The following ATP6V0E2 variants were observed in gnomAD, a reference collection of about 807,000 sequenced individuals.
The protein encoded by ATP6V0E2 is ATPase H+ transporting V0 subunit e2, also known as V-type proton ATPase subunit e 2.
In ATP6V0E2, 4 loss-of-function variants were observed where a neutral mutation model predicts 11.5. That is an observed-to-expected ratio of 0.35 (90% CI 0.17 to 0.80). The LOEUF (loss-of-function observed/expected upper bound fraction) is 0.80. Among genes scored for constraint, ATP6V0E2 ranks in the 30% least tolerant of loss-of-function variants. The probability of loss-of-function intolerance (pLI) is 0.53; values close to 1 mark genes in which losing one functional copy is unlikely to be tolerated. For missense variants in ATP6V0E2, 93 were observed against 113.5 expected, an observed-to-expected ratio of 0.82 and a Z score of 0.82; for synonymous variants, 52 against 51.0, an observed-to-expected ratio of 1.02 and a Z score of -0.09.
At chr7:149,876,159 C>G in intron 2 of ATP6V0E2, 1 of 452,228 alleles carries the variant, frequency 2.2e-6, no homozygotes, top group Non-Finnish European at 4.4e-6. Context: ...GGGTGGATCA[C>G]GAGGTCAGGA....
rs1164011703 is a variant in ATP6V0E2 at position 149,879,337 on chromosome 7, G to T, written c.*22G>T. The T allele has an allele frequency of 6.5e-7, 1 of 1,532,524 alleles. No individual in the cohort carries two copies. 94.9% of individuals were successfully genotyped at this position (1,532,524 alleles called of 1,614,324 possible). On this transcript the variant is annotated splice_region_variant and 3_prime_UTR_variant, in exon 4 of 4. Transcript: ENST00000425642. ...CTTCCATGTGATGTGCTTTTCAGGTGCCCAGCTCTCGGAATGACTGTGGCT... is the reference window on the plus strand; with the variant it reads ...CTTCCATGTGATGTGCTTTTCAGGTTCCCAGCTCTCGGAATGACTGTGGCT...
Position 149,874,133 on chromosome 7 carries a change from C to T in ATP6V0E2, c.68C>T (p.Ala23Val), listed in dbSNP as rs1187114579. 1.7e-5 allele frequency: 27 copies of T among 1,549,774 alleles called. No individual in the cohort carries two copies. The highest frequency in any genetic ancestry group is 2.4e-5 in the Non-Finnish European group (27 of 1,146,584). Reference protein sequence around the residue: ...FTTFWGLVGIAGPWFVPKGPN... With the variant: ...FTTFWGLVGIVGPWFVPKGPN... ...ACGTTCTGGGGCCTCGTCGGCATCG[C>T]CGGGCCCTGGTTCGTGCCGAAGGGA... The change falls in exon 1 of 4, where the codon GCC becomes GTC. Residue 23 changes from alanine (A) to valine (V), a missense_variant. Physicochemically the swap from Ala to Val is moderately conservative, Grantham distance 64. Transcript: ENST00000425642.
At position 149,879,810 on chromosome 7, in the gene ATP6V0E2, G is replaced by A. The variant is rs1215161072; in HGVS notation, c.*495G>A. On this transcript the variant is annotated 3_prime_UTR_variant, in exon 4 of 4. Transcript: ENST00000425642. ...GGGTTATAGGCAAGGCCTTTTCTCT[G>A]GCATGGAATTGTTAATTTTCTGACA... The A allele has an allele frequency of 1.8e-6, 1 of 569,500 alleles. No individual in the cohort carries two copies. Among genetic ancestry groups the A allele is most frequent in the African/African-American group, 1.9e-5 (1 of 51,558 alleles). The allele number at this position is 569,500 out of a possible 1,614,324, so 35.3% of individuals were successfully genotyped here.
At chr7:149,876,966 G>T (rs1427580467) in intron 2 of ATP6V0E2, among the ~76,000 whole-genome samples, 2 of 152,182 alleles carry the variant, frequency 1.3e-5, no homozygotes, top group African/African-American at 4.8e-5. Flanking sequence ...ATTGATTTAA[G>T]ATTTGATGTT....
chr7:149,874,017 G>A lies in ATP6V0E2; in HGVS notation c.-49G>A. On this transcript the variant is annotated 5_prime_UTR_variant, in exon 1 of 4. Coordinates refer to ENST00000425642, the MANE Select transcript of ATP6V0E2 (RefSeq NM_145230.4). ...CCGGCTGGGGACCCGCGCACCTGCAGCGCCCGCTGCTCGGCCCTGCATCCT... is the reference window on the plus strand; with the variant it reads ...CCGGCTGGGGACCCGCGCACCTGCAACGCCCGCTGCTCGGCCCTGCATCCT... 1 of 1,547,540 alleles carries A rather than the reference G, an allele frequency of 6.5e-7. No homozygotes were observed. Among genetic ancestry groups the A allele is most frequent in the Non-Finnish European group, 8.7e-7 (1 of 1,145,990 alleles).
In ATP6V0E2 at chr7:149,879,798, G is replaced by C. The variant is rs1020098786; in HGVS notation, c.*483G>C. The C allele has an allele frequency of 7.7e-6, 5 of 650,956 alleles. No individual in the cohort carries two copies. In the African/African-American group the frequency reaches 9.5e-5, roughly 12 times the overall value. The allele number at this position is 650,956 out of a possible 1,614,324, so 40.3% of individuals were successfully genotyped here. ...GGGGCCTCTATTGGGTTATAGGCAAGGCCTTTTCTCTGGCATGGAATTGTT... is the reference window on the plus strand; with the variant it reads ...GGGGCCTCTATTGGGTTATAGGCAACGCCTTTTCTCTGGCATGGAATTGTT... On this transcript the variant is annotated 3_prime_UTR_variant, in exon 4 of 4. Coordinates refer to ENST00000425642, the MANE Select transcript of ATP6V0E2 (RefSeq NM_145230.4).
At chr7:149,873,941 G>C (rs770907259), upstream of ATP6V0E2, 2 of 1,540,620 alleles carry the variant, frequency 1.3e-6, no homozygotes, top group African/African-American at 2.7e-5. Flanking sequence ...GGCCCGGCCC[G>C]GCTGATCGCT....
In ATP6V0E2 at chr7:149,874,011, C is replaced by T. The variant is rs1462981843; in HGVS notation, c.-55C>T. ...CGCTGCCCGGCTGGGGACCCGCGCA[C>T]CTGCAGCGCCCGCTGCTCGGCCCTG... On this transcript the variant is annotated 5_prime_UTR_variant, in exon 1 of 4. Coordinates refer to ENST00000425642, the MANE Select transcript of ATP6V0E2 (RefSeq NM_145230.4). The T allele has an allele frequency of 1.3e-6, 2 of 1,546,956 alleles. No individual in the cohort carries two copies. Among genetic ancestry groups the T allele is most frequent in the Non-Finnish European group, 1.7e-6 (2 of 1,145,944 alleles).
At chr7:149,873,362 TC>T (rs1802933140), upstream of ATP6V0E2, 1 of 152,304 alleles carries the variant, frequency 6.6e-6, no homozygotes, top group African/African-American at 2.4e-5. Flanking sequence ...CCAACCTCAT[TC>T]CGCTTCCCGC....
intron 3 of ATP6V0E2, 92 bp from the exon 4 acceptor site, chr7:149,879,243 T>G: frequency 7.1e-7 from 1 of 1,406,126 alleles, no homozygotes; most frequent in African/African-American, 1.4e-5. Context: ...GAGGACTATC[T>G]GGGCAGGGGT....
intron 1 of ATP6V0E2, 40 bp downstream of exon 1, chr7:149,874,209 G>C (rs1486775790): frequency 2.6e-6 from 4 of 1,512,360 alleles, no homozygotes; most frequent in Non-Finnish European, 2.7e-6. Context: ...TCTCCACCCC[G>C]GCCCCCTGGC....
chr7:149,873,613 G>A, upstream of ATP6V0E2: 1 of 293,352 alleles, frequency 3.4e-6, no homozygotes, highest in Non-Finnish European at 6.3e-6. Context: ...CAGGTTCGGG[G>A]CGGCCCAGGC....
At chr7:149,873,808 G>A (rs1802960191), upstream of ATP6V0E2, 3 of 1,408,280 alleles carry the variant, frequency 2.1e-6, no homozygotes, top group South Asian at 3.0e-5. Flanking sequence ...AAACCGGGCG[G>A]CCGCGCCCCT....
Position 149,879,410 on chromosome 7 carries a change from ATGTC to A in ATP6V0E2, c.*98_*101del, listed in dbSNP as rs1563138652. The A allele has an allele frequency of 6.2e-7, 1 of 1,604,566 alleles. No homozygotes were observed. The highest frequency in any genetic ancestry group is 2.3e-5 in the East Asian group (1 of 44,042). On this transcript the variant is annotated 3_prime_UTR_variant, in exon 4 of 4. Transcript: ENST00000425642. Reference sequence around the variant, plus strand: ...CGTCCGGACCCTCCCCCACACAACTATGTCTGGTCACCAGCTCCCTCCTGCTGGC... The same window carrying A: ...CGTCCGGACCCTCCCCCACACAACTATGGTCACCAGCTCCCTCCTGCTGGC...
chr7:149,874,658 G>A (rs1383849091), intron 1 of ATP6V0E2: 1 of 156,194 alleles, frequency 6.4e-6, no homozygotes, highest in Non-Finnish European at 1.4e-5. Flanking sequence ...TTTTTCGAAG[G>A]TCCTCTAGCA....
At position 149,875,602 on chromosome 7, in the gene ATP6V0E2, A is replaced by C; in HGVS notation, c.109A>C (p.Ile37Leu). Reference protein sequence around the residue: ...FVPKGPNRGVIITMLVATAVC... With the variant: ...FVPKGPNRGVLITMLVATAVC... ...CCGTGTCCTCTTCTGCTGCAGAGTG[A>C]TCATCACCATGCTGGTCGCCACCGC... Residue 37 changes from isoleucine (I) to leucine (L), a missense_variant, in exon 2 of 4, where the codon ATC becomes CTC. By Grantham distance (5) the Ile-to-Leu change is conservative (BLOSUM62 2). Transcript: ENST00000425642. 7 of 1,613,604 alleles carry C rather than the reference A, an allele frequency of 4.3e-6. No individual in the cohort carries two copies. The highest frequency in any genetic ancestry group is 5.9e-6 in the Non-Finnish European group (7 of 1,179,826).
chr7:149,879,572 C>A lies in ATP6V0E2; in HGVS notation c.*257C>A. ...ATGTCCTGCTCCAATACCCGCACTGCTCTGGAGTTTGCCCTCTTTCCCAAG... is the reference window on the plus strand; with the variant it reads ...ATGTCCTGCTCCAATACCCGCACTGATCTGGAGTTTGCCCTCTTTCCCAAG... On this transcript the variant is annotated 3_prime_UTR_variant, in exon 4 of 4. Transcript: ENST00000425642. 1 of 1,509,382 alleles carries A rather than the reference C, an allele frequency of 6.6e-7. No homozygotes were observed. Among genetic ancestry groups the A allele is most frequent in the Non-Finnish European group, 8.9e-7 (1 of 1,127,472 alleles). The allele number at this position is 1,509,382 out of a possible 1,614,324, so 93.5% of individuals were successfully genotyped here. A position where few individuals can be genotyped will look rare whatever the true frequency, so the allele number is the denominator to read the frequency against.
At position 149,879,517 on chromosome 7, in the gene ATP6V0E2, G is replaced by A. The variant is rs2128949947; in HGVS notation, c.*202G>A. Reference sequence around the variant, plus strand: ...TCTTCCCAGCCAGCCCGGGCCCTGGGGAGCCCTGGGCACAGCAGCGGCCGA... The same window carrying A: ...TCTTCCCAGCCAGCCCGGGCCCTGGAGAGCCCTGGGCACAGCAGCGGCCGA... On this transcript the variant is annotated 3_prime_UTR_variant, in exon 4 of 4. Coordinates refer to ENST00000425642, the MANE Select transcript of ATP6V0E2 (RefSeq NM_145230.4). 2 of 1,588,340 alleles carry A rather than the reference G, an allele frequency of 1.3e-6. No homozygotes were observed. Among genetic ancestry groups the A allele is most frequent in the Non-Finnish European group, 8.6e-7 (1 of 1,167,434 alleles).
rs1803315237 is a variant in ATP6V0E2, at chr7:149,879,235, G to C, written c.*20-100G>C. 4 of 1,409,908 alleles carry C rather than the reference G, an allele frequency of 2.8e-6. No homozygotes were observed. The South Asian group carries it at 5.0e-5, about 18-fold the overall frequency. The allele number at this position is 1,409,908 out of a possible 1,614,324, so 87.3% of individuals were successfully genotyped here. On this transcript the variant is annotated intron_variant, in intron 3 of 3. Coordinates refer to ENST00000425642, the MANE Select transcript of ATP6V0E2 (RefSeq NM_145230.4). ...CGGAGGGAGGGAAAGGGTAAGCTGA[G>C]GACTATCTGGGCAGGGGTGAGGGGG...
Sources: gnomAD v4.1 joint callset for allele counts (sites outside exome capture counted in the v4.1 genomes callset) on GRCh38, gnomAD v4.1.1 for gene constraint, MANE v1.5 for transcripts, NCBI Gene and HGNC (gene_info 2026-07-23, HGNC 2026-07-21) for gene names.